ERC2: variants seen among roughly 807,000 people sequenced by gnomAD.
ERC2 encodes ERC protein 2.
In ERC2, 42 loss-of-function variants were observed where a neutral mutation model predicts 114.8. That is an observed-to-expected ratio of 0.37 (90% CI 0.29 to 0.47). The LOEUF is 0.47. Among genes scored for constraint, ERC2 ranks in the 20% least tolerant of loss-of-function variants. ERC2 has a pLI of 0.99. For missense variants in ERC2, 939 were observed against 1,150.7 expected (o/e 0.82, Z 2.66); for synonymous variants, 454 against 425.5 (o/e 1.07, Z -0.82).
At chr3:56,165,684 G>T (rs982424743) in intron 4 of ERC2, among the ~76,000 whole-genome samples, 16 of 151,662 alleles carry the variant, frequency 1.1e-4, no homozygotes, top group Non-Finnish European at 2.1e-4. Context: ...TATATTTGGG[G>T]TTTTTTAATA....
chr3:55,954,477 G>A (rs568661250), intron 12 of ERC2, among the ~76,000 whole-genome samples: 339 of 152,342 alleles, frequency 2.2e-3, no homozygotes, highest in African/African-American at 7.8e-3. Flanking sequence ...TGGTGAGAAC[G>A]TGTCAGACTC....
chr3:55,992,039 T>C lies in ERC2; in HGVS notation c.2255+18A>G, dbSNP rs74377980. 8.1e-4 allele frequency: 1,301 copies of C among 1,608,628 alleles called. 13 individuals are homozygous for C. In the East Asian group the frequency reaches 0.015, roughly 18 times the overall value. On this transcript the variant is annotated intron_variant, in intron 11 of 17. Coordinates refer to ENST00000288221, the MANE Select transcript of ERC2 (RefSeq NM_015576.3). The stretch of plus-strand genomic sequence containing the variant: ...ATGTTCTCTCACTGCCAACAATTTA[T>C]ATAACTGTAAAATTTACCTCTCCAG...
intron 14 of ERC2, among the ~76,000 whole-genome samples, chr3:55,774,560 G>A (rs142406599): frequency 6.6e-6 from 1 of 152,324 alleles, no homozygotes; most frequent in East Asian, 1.9e-4. Flanking sequence ...TTTACAAAAG[G>A]AGGCATTTGT....
intron 17 of ERC2, among the ~76,000 whole-genome samples, chr3:55,645,256 T>C (rs1279577841): frequency 1.3e-5 from 2 of 152,370 alleles, no homozygotes; most frequent in East Asian, 3.9e-4. Flanking sequence ...ATTTGGCCCA[T>C]GTCTTCCCAA....
chr3:55,888,422 C>T lies in ERC2; in HGVS notation c.2531G>A (p.Arg844Lys). 1.2e-6 allele frequency: 2 copies of T among 1,613,868 alleles called. No homozygotes were observed. Among genetic ancestry groups the T allele is most frequent in the Non-Finnish European group, 1.7e-6 (2 of 1,179,834 alleles). ...CAGGATCTCCTCCAGCTGTTTCCTC[C>T]TCTCAATCCGGAGGTTGGCCAAGTG... ...EAHLANLRIE[R>K]RKQLEEILEM... Residue 844 changes from arginine to lysine, a missense_variant, in exon 14 of 18, where the codon AGG becomes AAG. Coordinates refer to ENST00000288221, the MANE Select transcript of ERC2 (RefSeq NM_015576.3).
chr3:55,967,294 A>AT (rs2068814778), intron 12 of ERC2, among the ~76,000 whole-genome samples: 1 of 152,186 alleles, frequency 6.6e-6, no homozygotes, highest in Non-Finnish European at 1.5e-5. Flanking sequence ...AATAAGTCAA[A>AT]TTTTTTAAGA....
intron 16 of ERC2, among the ~76,000 whole-genome samples, chr3:55,695,112 G>A (rs1473567370): frequency 6.6e-6 from 1 of 152,248 alleles, no homozygotes; most frequent in Non-Finnish European, 1.5e-5. Flanking sequence ...AGATGAGACT[G>A]ATGACAACAG....
At chr3:55,916,512 C>T (rs2065102213) in intron 13 of ERC2, among the ~76,000 whole-genome samples, 1 of 152,152 alleles carries the variant, frequency 6.6e-6, no homozygotes, top group Non-Finnish European at 1.5e-5. Flanking sequence ...CACATGTGCG[C>T]TAGTATAGTA....
In ERC2 at chr3:55,627,784, G is replaced by A. The variant is rs2059579541; in HGVS notation, c.*39+56010C>T. ...AGCAGGACTGAAATCATCAATCAAGGGACTTTCTGTGACCTTCCATTTTTA... is the reference window on the plus strand; with the variant it reads ...AGCAGGACTGAAATCATCAATCAAGAGACTTTCTGTGACCTTCCATTTTTA... On this transcript the variant is annotated intron_variant, in intron 17 of 17. Coordinates refer to ENST00000288221, the MANE Select transcript of ERC2 (RefSeq NM_015576.3). 2.0e-5 allele frequency among the ~76,000 whole-genome samples: 3 copies of A among 152,038 alleles called. No homozygotes were observed. In the South Asian group the frequency reaches 6.2e-4, roughly 32 times the overall value.
At chr3:55,591,574 C>CGTGTGTGT (rs3059305) in intron 17 of ERC2, among the ~76,000 whole-genome samples, 8 of 148,152 alleles carry the variant, frequency 5.4e-5, no homozygotes, top group African/African-American at 1.2e-4. Context: ...AGTTTGTGTG[C>CGTGTGTGT]GTGTGTGTGT....
At chr3:56,461,131 C>T (rs987151435) in intron 1 of ERC2, among the ~76,000 whole-genome samples, 51 of 151,878 alleles carry the variant, frequency 3.4e-4, no homozygotes, top group Admixed American at 3.3e-3. Flanking sequence ...GAGACCAGCA[C>T]GGACAGCGGA....
At chr3:55,538,867 C>T (rs748714891) in intron 17 of ERC2, among the ~76,000 whole-genome samples, 1 of 152,210 alleles carries the variant, frequency 6.6e-6, no homozygotes, top group Non-Finnish European at 1.5e-5. Context: ...TCCTCTATCC[C>T]TCTATCCCTT....
At chr3:56,429,139 CTA>C (rs1168749475) in intron 2 of ERC2, among the ~76,000 whole-genome samples, 1 of 152,156 alleles carries the variant, frequency 6.6e-6, no homozygotes, top group Non-Finnish European at 1.5e-5. Flanking sequence ...GTATTCACTC[CTA>C]TGTTTCCTCT....
At chr3:56,364,083 A>C (rs2059063919) in intron 2 of ERC2, among the ~76,000 whole-genome samples, 1 of 152,232 alleles carries the variant, frequency 6.6e-6, no homozygotes, top group South Asian at 2.1e-4. Flanking sequence ...GCTAAATTTA[A>C]AAGTAGACTA....
chr3:56,054,636 T>G (rs1044436663), intron 7 of ERC2, among the ~76,000 whole-genome samples: 2 of 152,204 alleles, frequency 1.3e-5, no homozygotes, highest in Admixed American at 1.3e-4. Flanking sequence ...GTGTTCTTAT[T>G]TTATCGATGA....
At chr3:55,861,352 A>G (rs2062020305) in intron 14 of ERC2, among the ~76,000 whole-genome samples, 1 of 152,176 alleles carries the variant, frequency 6.6e-6, no homozygotes, top group Non-Finnish European at 1.5e-5. Flanking sequence ...CACATAGCTC[A>G]TTGTCACTCC....
chr3:55,845,429 G>A (rs1261630119), intron 14 of ERC2, among the ~76,000 whole-genome samples: 3 of 148,782 alleles, frequency 2.0e-5, no homozygotes. Context: ...CCGTGAACCC[G>A]GGAGGCGGAG....
At chr3:56,195,872 G>A (rs2048070781) in intron 3 of ERC2, among the ~76,000 whole-genome samples, 1 of 151,924 alleles carries the variant, frequency 6.6e-6, no homozygotes, top group Admixed American at 6.6e-5. Context: ...ATGCTGTGAG[G>A]AAGTCTACTG....
At chr3:56,081,898 T>C (rs2077252408) in intron 6 of ERC2, among the ~76,000 whole-genome samples, 1 of 152,200 alleles carries the variant, frequency 6.6e-6, no homozygotes, top group African/African-American at 2.4e-5. Flanking sequence ...TTTGCAACCA[T>C]GTTTATAAAT....
Sources: allele counts gnomAD v4.1 joint callset (sites outside exome capture counted in the v4.1 genomes callset), GRCh38; gene constraint gnomAD v4.1.1; transcripts MANE v1.5; gene names NCBI Gene and HGNC (gene_info 2026-07-23, HGNC 2026-07-21).